The following MAOB variants were observed in gnomAD, a reference collection of about 807,000 sequenced individuals.
The protein encoded by MAOB is amine oxidase [flavin-containing] B.
Under a neutral mutation model 41.9 loss-of-function variants are expected in MAOB, and 15 were observed. The ratio of observed to expected loss-of-function variants is 0.36; its 90% CI spans 0.24 to 0.55. The LOEUF is 0.55. MAOB is among the 20% of genes least tolerant of loss of function. The pLI is 0.86. For missense variants in MAOB, 345 were observed against 398.7 expected (o/e 0.87, Z 1.15); for synonymous variants, 167 against 144.2 (o/e 1.16, Z -1.13).
intron 8 of MAOB, among the ~76,000 whole-genome samples, chrX:43,786,942 C>A (rs200351425): frequency 9.0e-6 from 1 of 111,623 alleles, no homozygotes; most frequent in South Asian, 3.8e-4. Context: ...GCTCAAGAGC[C>A]CCACCCATGC....
chrX:43,852,105 C>G (rs1461148473), intron 1 of MAOB, among the ~76,000 whole-genome samples: 1 of 111,956 alleles, frequency 8.9e-6, no homozygotes, highest in East Asian at 2.8e-4. Flanking sequence ...AGAGTCCCCA[C>G]CTTTCTGGGA....
intron 8 of MAOB, among the ~76,000 whole-genome samples, chrX:43,782,890 C>A (rs2034351898): frequency 8.9e-6 from 1 of 111,777 alleles, no homozygotes; most frequent in Non-Finnish European, 1.9e-5. Context: ...ATGACCAAAA[C>A]CACATGATTA....
At chrX:43,857,621 A>G (rs921453851) in intron 1 of MAOB, among the ~76,000 whole-genome samples, 4 of 111,339 alleles carry the variant, frequency 3.6e-5, no homozygotes, top group Admixed American at 2.9e-4. Context: ...CCCTGCCAAT[A>G]TGGCTGCAAA....
At position 43,789,830 on chromosome X, in the gene MAOB, C is replaced by A. The variant is rs189018911; in HGVS notation, c.928+3589G>T. The stretch of plus-strand genomic sequence containing the variant: ...ATGTTAATTTGCTTGACCACAAGAT[C>A]ATTTCACTATGTACATGTGTATCAA... On this transcript the variant is annotated intron_variant, in intron 8 of 14. Transcript: ENST00000378069. Among the ~76,000 whole-genome samples the A allele has an allele frequency of 8.2e-3, 913 of 111,861 alleles. 4 individuals are homozygous for A. The highest frequency in any genetic ancestry group is 0.013 in the Non-Finnish European group (703 of 53,153).
chrX:43,797,230 C>G lies in MAOB; in HGVS notation c.513G>C (p.Leu171=), dbSNP rs769625968. 3.3e-6 allele frequency: 4 copies of G among 1,201,113 alleles called. No individual in the cohort carries two copies. Among genetic ancestry groups the G allele is most frequent in the Non-Finnish European group, 4.5e-6 (4 of 890,540 alleles). The part of the protein sequence containing the change: ...AKQLATLFVN[L]CVTAETHEVS... ...CCTCATGGGTCTCTGCAGTGACACA[C>G]AGGTTCACAAAGAGAGTGGCAAGCT... The change falls in exon 6 of 15, where the codon CTG becomes CTC. Residue 171 remains leucine (L), a synonymous_variant. Transcript: ENST00000378069.
chrX:43,789,440 C>A (rs1350551610), intron 8 of MAOB, among the ~76,000 whole-genome samples: 1 of 111,770 alleles, frequency 8.9e-6, no homozygotes, highest in Non-Finnish European at 1.9e-5. Context: ...ACAGCTTCTG[C>A]CATTGAAAAC....
intron 3 of MAOB, 32 bp from the exon 4 acceptor site, chrX:43,803,436 T>A: frequency 8.7e-7 from 1 of 1,155,002 alleles, no homozygotes; most frequent in Non-Finnish European, 1.1e-6. Flanking sequence ...TAAAAGGAAA[T>A]ATTTACTACA....
chrX:43,769,028 T>C (rs1487859238), intron 13 of MAOB, among the ~76,000 whole-genome samples: 2 of 112,036 alleles, frequency 1.8e-5, no homozygotes, highest in Admixed American at 1.9e-4. Flanking sequence ...AGAAGCATGT[T>C]TGGTTCTAGA....
At chrX:43,845,421 T>C (rs988955718) in intron 1 of MAOB, among the ~76,000 whole-genome samples, 15 of 112,605 alleles carry the variant, frequency 1.3e-4, no homozygotes, top group African/African-American at 4.8e-4. Flanking sequence ...ACTCTTATTA[T>C]ACTGGGTTCT....
intron 1 of MAOB, among the ~76,000 whole-genome samples, chrX:43,849,895 C>T (rs1202015650): frequency 8.9e-6 from 1 of 112,282 alleles, no homozygotes; most frequent in Admixed American, 9.5e-5. Context: ...TTAAGACATA[C>T]TGAAACTGAT....
Position 43,823,465 on chromosome X carries a change from G to A in MAOB, c.279+15403C>T, listed in dbSNP as rs143771406. Among the ~76,000 whole-genome samples, 592 of 110,763 alleles carry A rather than the reference G, an allele frequency of 5.3e-3. 4 individuals carry two copies. The highest frequency in any genetic ancestry group is 0.017 in the African/African-American group (527 of 30,481). On this transcript the variant is annotated intron_variant, in intron 3 of 14. Transcript: ENST00000378069. ...TGGGATTACAGGTGTGAGCCACCAC[G>A]CCAGGCCTACAGATGCATTTATTGT...
intron 3 of MAOB, among the ~76,000 whole-genome samples, chrX:43,832,389 C>A (rs1257969433): frequency 4.5e-5 from 5 of 111,458 alleles, no homozygotes; most frequent in Non-Finnish European, 9.4e-5. Flanking sequence ...AACGTTGACC[C>A]CTGAACAACA....
At chrX:43,868,855 T>TTGTGTG (rs113529000) in intron 1 of MAOB, among the ~76,000 whole-genome samples, 54 of 103,786 alleles carry the variant, frequency 5.2e-4, no homozygotes, top group African/African-American at 1.4e-3. Flanking sequence ...ACATCAATTC[T>TTGTGTG]TGTGTGTGTG....
At chrX:43,838,813 T>G in intron 3 of MAOB, 55 bp downstream of exon 3, 1 of 1,073,455 alleles carries the variant, frequency 9.3e-7, no homozygotes, top group Non-Finnish European at 1.2e-6. Context: ...GGAATTTGTG[T>G]AAGGAAACAT....
At chrX:43,841,680 A>T (rs1266743915) in intron 2 of MAOB, among the ~76,000 whole-genome samples, 1 of 112,326 alleles carries the variant, frequency 8.9e-6, no homozygotes, top group African/African-American at 3.2e-5. Flanking sequence ...AATTTTAATC[A>T]AAACAGTATG....
intron 6 of MAOB, among the ~76,000 whole-genome samples, chrX:43,796,628 G>A (rs1407747446): frequency 9.0e-6 from 1 of 110,821 alleles, no homozygotes; most frequent in East Asian, 2.9e-4. Context: ...AGAGAAGAAT[G>A]GAACATGACA....
intron 3 of MAOB, among the ~76,000 whole-genome samples, chrX:43,832,751 G>A (rs1411030593): frequency 9.0e-6 from 1 of 111,222 alleles, no homozygotes; most frequent in African/African-American, 3.3e-5. Flanking sequence ...CTGCACAGGG[G>A]GTCAGCACTC....
Position 43,870,922 on chromosome X carries a change from G to A in MAOB, c.46+11332C>T, listed in dbSNP as rs368115893. ...TCATGATTAGAACATCTTGTGACAC[G>A]CTGAGCAAAAATGCTGTTCAGTCAT... On this transcript the variant is annotated intron_variant, in intron 1 of 14. Transcript: ENST00000378069. Among the ~76,000 whole-genome samples the A allele has an allele frequency of 2.3e-4, 25 of 110,360 alleles. No homozygotes were observed. The South Asian group carries it at 9.4e-3, about 42-fold the overall frequency.
intron 1 of MAOB, 137 bp from the exon 2 acceptor site, chrX:43,843,901 C>T (rs773010223): frequency 2.6e-5 from 26 of 1,012,454 alleles, no homozygotes; most frequent in South Asian, 4.0e-5. Context: ...CAAGTGGATA[C>T]GGTTTGTCAA....
Sources: allele counts gnomAD v4.1 joint callset (sites outside exome capture counted in the v4.1 genomes callset), GRCh38; gene constraint gnomAD v4.1.1; transcripts MANE v1.5; gene names NCBI Gene and HGNC (gene_info 2026-07-23, HGNC 2026-07-21).